The following LRRC69 variants were observed in gnomAD, a reference collection of about 807,000 sequenced individuals.
LRRC69 encodes the protein leucine rich repeat containing 69.
LRRC69 carries 42 observed loss-of-function variants against 37.8 expected under a neutral mutation model. That is an observed-to-expected ratio of 1.11 (90% CI 0.87 to 1.44). The LOEUF is 1.44. Ranked by LOEUF, LRRC69 falls within the 40% of genes most tolerant of loss-of-function variation. LRRC69 has a pLI of 0.00. For missense variants in LRRC69, 357 were observed against 401.9 expected, an observed-to-expected ratio of 0.89 and a Z score of 0.96; for synonymous variants, 141 against 143.1, an observed-to-expected ratio of 0.99 and a Z score of 0.11.
chr8:91,171,067 C>G (rs1475569865), intron 5 of LRRC69, among the ~76,000 whole-genome samples: 2 of 151,554 alleles, frequency 1.3e-5, no homozygotes, highest in African/African-American at 2.4e-5. Context: ...AAAAAACAAA[C>G]AACCCCATCA....
intron 7 of LRRC69, among the ~76,000 whole-genome samples, chr8:91,214,981 T>C (rs916622398): frequency 3.9e-5 from 6 of 152,028 alleles, no homozygotes; most frequent in Admixed American, 1.3e-4. Flanking sequence ...GTTCCTTTCT[T>C]CCATCTTCAA....
chr8:91,127,164 AT>A lies in LRRC69; in HGVS notation c.383+8del. 2 of 1,547,158 alleles carry A rather than the reference AT, an allele frequency of 1.3e-6. No individual in the cohort carries two copies. The highest frequency in any genetic ancestry group is 8.7e-7 in the Non-Finnish European group (1 of 1,145,156). ...AGCTTCCTCAAGAAGTCAGCAGGTA[AT>A]TTTGTTTATAGCAAGACTTGGTTAA... On this transcript the variant is annotated splice_donor_5th_base_variant and intron_variant, in intron 3 of 7. Transcript: ENST00000448384.
At chr8:91,105,382 G>A (rs1813293128) in intron 1 of LRRC69, among the ~76,000 whole-genome samples, 1 of 151,858 alleles carries the variant, frequency 6.6e-6, no homozygotes, top group South Asian at 2.1e-4. Context: ...CCGTCTCACA[G>A]TTGGTAGTAA....
At chr8:91,167,413 A>G (rs1390148706) in intron 5 of LRRC69, among the ~76,000 whole-genome samples, 2 of 151,676 alleles carry the variant, frequency 1.3e-5, no homozygotes, top group South Asian at 2.1e-4. Flanking sequence ...CTATGATTCA[A>G]TATCCTTCCA....
intron 3 of LRRC69, among the ~76,000 whole-genome samples, chr8:91,129,340 T>C (rs1160740940): frequency 1.3e-5 from 2 of 152,030 alleles, no homozygotes; most frequent in African/African-American, 4.8e-5. Context: ...TCTACAAGTG[T>C]ATCTCCTATA....
At chr8:91,181,482 C>T (rs7844122) in intron 5 of LRRC69, among the ~76,000 whole-genome samples, 103,559 of 151,984 alleles carry the variant, frequency 0.68, 35,805 homozygotes, top group African/African-American at 0.76. Context: ...AATCTTGTGG[C>T]ATGTTTAGAT....
intron 5 of LRRC69, among the ~76,000 whole-genome samples, chr8:91,156,557 T>A (rs1331069320): frequency 6.6e-6 from 1 of 151,068 alleles, no homozygotes; most frequent in Non-Finnish European, 1.5e-5. Context: ...TCCTTTAATA[T>A]GCAGAAACTT....
intron 4 of LRRC69, among the ~76,000 whole-genome samples, chr8:91,135,337 T>G (rs1813890196): frequency 6.6e-6 from 1 of 152,094 alleles, no homozygotes; most frequent in South Asian, 2.1e-4. Flanking sequence ...ATTTTCATTT[T>G]ACAAATAAAG....
At chr8:91,178,575 G>A (rs1809274880) in intron 5 of LRRC69, among the ~76,000 whole-genome samples, 1 of 152,118 alleles carries the variant, frequency 6.6e-6, no homozygotes, top group African/African-American at 2.4e-5. Flanking sequence ...ACAACATTAG[G>A]CTGGTGCTCA....
intron 7 of LRRC69, among the ~76,000 whole-genome samples, chr8:91,204,073 G>T (rs1012724728): frequency 1.2e-4 from 18 of 145,958 alleles, no homozygotes; most frequent in African/African-American, 4.6e-4. Context: ...AGTGAGCCGA[G>T]ATCGTGCCAC....
chr8:91,199,360 C>T (rs553211222), intron 6 of LRRC69, among the ~76,000 whole-genome samples: 1 of 152,168 alleles, frequency 6.6e-6, no homozygotes, highest in South Asian at 2.1e-4. Context: ...TGCTGTTGAA[C>T]GATCAGACAA....
intron 5 of LRRC69, among the ~76,000 whole-genome samples, chr8:91,136,142 A>T (rs1324248945): frequency 1.3e-5 from 2 of 151,982 alleles, no homozygotes; most frequent in Admixed American, 6.6e-5. Flanking sequence ...TGAAAAATGC[A>T]CTTTTTTCTC....
chr8:91,160,141 T>C (rs796738276), intron 5 of LRRC69, among the ~76,000 whole-genome samples: 9 of 149,284 alleles, frequency 6.0e-5, no homozygotes, highest in African/African-American at 2.2e-4. Flanking sequence ...AAAAATCTTT[T>C]GTAGCTACTG....
intron 7 of LRRC69, among the ~76,000 whole-genome samples, chr8:91,212,939 G>C (rs556738329): frequency 2.3e-3 from 352 of 152,218 alleles, no homozygotes; most frequent in African/African-American, 8.0e-3. Context: ...ACTCCTGTGA[G>C]AACTCCTCGA....
intron 5 of LRRC69, chr8:91,139,296 C>T (rs986716119): frequency 6.6e-6 from 1 of 151,920 alleles, no homozygotes; most frequent in Non-Finnish European, 1.5e-5. Flanking sequence ...AATCCCAGCA[C>T]TTTGGGAGGC....
At chr8:91,178,620 T>C (rs1385609140) in intron 5 of LRRC69, among the ~76,000 whole-genome samples, 1 of 152,240 alleles carries the variant, frequency 6.6e-6, no homozygotes, top group Non-Finnish European at 1.5e-5. Context: ...ATGATGAAAG[T>C]CCCTGAAAAA....
intron 7 of LRRC69, among the ~76,000 whole-genome samples, chr8:91,214,597 C>G (rs1282183624): frequency 6.6e-6 from 1 of 152,112 alleles, no homozygotes; most frequent in Non-Finnish European, 1.5e-5. Flanking sequence ...GGTAAGTCAT[C>G]TACCTTACTA....
chr8:91,198,296 A>C (rs1809653636), intron 6 of LRRC69, among the ~76,000 whole-genome samples: 1 of 152,178 alleles, frequency 6.6e-6, no homozygotes, highest in South Asian at 2.1e-4. Context: ...TCCCAACTTT[A>C]CAGATGAGGT....
chr8:91,152,662 A>G (rs1808762172), intron 5 of LRRC69, among the ~76,000 whole-genome samples: 1 of 151,536 alleles, frequency 6.6e-6, no homozygotes, highest in African/African-American at 2.4e-5. Context: ...TAATTCTGTG[A>G]AGAATGTCAA....
Sources: gnomAD v4.1 joint callset for allele counts (sites outside exome capture counted in the v4.1 genomes callset) on GRCh38, gnomAD v4.1.1 for gene constraint, MANE v1.5 for transcripts, NCBI Gene and HGNC (gene_info 2026-07-23, HGNC 2026-07-21) for gene names.